The following HECA variants were observed in gnomAD, a reference collection of about 807,000 sequenced individuals.
HECA encodes HECA ribonucleoprotein granule regulator, also known as headcase protein homolog.
HECA carries 13 observed loss-of-function variants against 37.6 expected under a neutral mutation model. That is an observed-to-expected ratio of 0.35 (90% confidence interval 0.23 to 0.55). HECA has a LOEUF of 0.55. Among genes scored for constraint, HECA ranks in the 20% least tolerant of loss-of-function variants. The pLI is 0.90. For missense variants in HECA, 527 were observed against 701.9 expected (o/e 0.75, Z 2.82); for synonymous variants, 307 against 291.5 (o/e 1.05, Z -0.54).
At chr6:139,175,150 A>G (rs1011358781) in intron 3 of HECA, among the ~76,000 whole-genome samples, 18 of 152,342 alleles carry the variant, frequency 1.2e-4, no homozygotes, top group Non-Finnish European at 2.2e-4. Context: ...TCAGAAAAAG[A>G]GGGAAGTATT....
chr6:139,165,254 A>G (rs1774866845), intron 1 of HECA, among the ~76,000 whole-genome samples: 1 of 152,224 alleles, frequency 6.6e-6, no homozygotes, highest in East Asian at 1.9e-4. Flanking sequence ...CTCATTTTAA[A>G]AAAACAGATT....
intron 1 of HECA, among the ~76,000 whole-genome samples, chr6:139,142,871 C>A (rs942421193): frequency 6.6e-6 from 1 of 152,118 alleles, no homozygotes; most frequent in Non-Finnish European, 1.5e-5. Flanking sequence ...TCACTTGAAC[C>A]CAGGAGGCGG....
chr6:139,164,967 T>G (rs571114430), intron 1 of HECA, among the ~76,000 whole-genome samples: 88 of 152,306 alleles, frequency 5.8e-4, no homozygotes, highest in Non-Finnish European at 1.0e-3. Flanking sequence ...TTACACAGCT[T>G]CTTTTGTAAA....
chr6:139,145,925 C>G (rs1181242330), intron 1 of HECA, among the ~76,000 whole-genome samples: 1 of 151,996 alleles, frequency 6.6e-6, no homozygotes, highest in Non-Finnish European at 1.5e-5. Flanking sequence ...TAATTGAATT[C>G]TTTTTGAGAG....
At chr6:139,149,484 TG>T (rs1774626103) in intron 1 of HECA, among the ~76,000 whole-genome samples, 1 of 152,178 alleles carries the variant, frequency 6.6e-6, no homozygotes, top group African/African-American at 2.4e-5. Flanking sequence ...GTTCTCTGTT[TG>T]TAATGTGGTG....
intron 1 of HECA, among the ~76,000 whole-genome samples, chr6:139,163,180 G>C (rs1774831348): frequency 1.3e-5 from 2 of 152,294 alleles, no homozygotes; most frequent in South Asian, 4.1e-4. Flanking sequence ...GCAGTGCCTG[G>C]AGACATTGAG....
intron 2 of HECA, chr6:139,170,458 T>C (rs1774956562): frequency 6.6e-6 from 1 of 152,196 alleles, no homozygotes; most frequent in Non-Finnish European, 1.5e-5. Flanking sequence ...CACTTTGGCT[T>C]GGTTCGTAAA....
chr6:139,164,759 T>C (rs1428776550), intron 1 of HECA, among the ~76,000 whole-genome samples: 1 of 151,924 alleles, frequency 6.6e-6, no homozygotes, highest in African/African-American at 2.4e-5. Context: ...ACCCTTGTCA[T>C]CCCAGCCTGT....
In HECA at chr6:139,135,193, C is replaced by A; in HGVS notation, c.-204C>A. ...CGCGGCTGCGAGCCTCGGGTGGCCG[C>A]GTGCCGGCTCCAGGAAGCCGGAGAG... On this transcript the variant is annotated 5_prime_UTR_variant, in exon 1 of 4. Transcript: ENST00000367658. The A allele has an allele frequency of 3.7e-6, 1 of 271,312 alleles. No individual in the cohort carries two copies. The highest frequency in any genetic ancestry group is 6.1e-6 in the Non-Finnish European group (1 of 163,626). 16.8% of individuals were successfully genotyped at this position (271,312 alleles called of 1,614,324 possible).
At chr6:139,144,347 T>TC (rs1400587572) in intron 1 of HECA, 3 of 152,270 alleles carry the variant, frequency 2.0e-5, no homozygotes, top group African/African-American at 7.2e-5. Flanking sequence ...GGAGCCATGA[T>TC]AATGTACTGT....
In HECA at chr6:139,179,038, A is replaced by ATGCATAAAAT. The variant is rs1554219051; in HGVS notation, c.*1934_*1943dup. On this transcript the variant is annotated 3_prime_UTR_variant, in exon 4 of 4. Transcript: ENST00000367658. ...TGAAAAAACATTTCAGTGGGAAGAA[A>ATGCATAAAAT]TGCATAAAATGCCTATAAGAAGTAG... The ATGCATAAAAT allele has an allele frequency of 1.4e-4, 22 of 152,210 alleles. No homozygotes were observed. 9.4% of individuals were successfully genotyped at this position (152,210 alleles called of 1,614,324 possible).
chr6:139,136,641 G>T (rs371862100), intron 1 of HECA, among the ~76,000 whole-genome samples: 51 of 142,508 alleles, frequency 3.6e-4, no homozygotes, highest in African/African-American at 3.3e-4. Flanking sequence ...TTTTTGTTTT[G>T]TTTTTTTTTT....
At chr6:139,137,570 G>C (rs1774464183) in intron 1 of HECA, among the ~76,000 whole-genome samples, 1 of 151,584 alleles carries the variant, frequency 6.6e-6, no homozygotes, top group African/African-American at 2.4e-5. Context: ...GGTCCTCAGG[G>C]AGCTTGCATT....
In HECA at chr6:139,135,361, T is replaced by C; in HGVS notation, c.-36T>C. The C allele has an allele frequency of 7.7e-7, 1 of 1,302,882 alleles. No individual in the cohort carries two copies. The highest frequency in any genetic ancestry group is 1.0e-6 in the Non-Finnish European group (1 of 999,074). 80.7% of individuals were successfully genotyped at this position (1,302,882 alleles called of 1,614,324 possible). A position where few individuals can be genotyped will look rare whatever the true frequency, so the allele number is the denominator to read the frequency against. ...CCGTGCCTCTGGGATCCGCCTTCGC[T>C]GACGCCGGGCACCTACCTGGACGCG... On this transcript the variant is annotated 5_prime_UTR_variant, in exon 1 of 4. Transcript: ENST00000367658.
At chr6:139,158,319 A>C (rs1774745826) in intron 1 of HECA, among the ~76,000 whole-genome samples, 1 of 152,014 alleles carries the variant, frequency 6.6e-6, no homozygotes, top group Non-Finnish European at 1.5e-5. Flanking sequence ...TGGAAAACAC[A>C]GTGAAACTCC....
chr6:139,151,353 C>T (rs934079711), intron 1 of HECA: 1 of 152,160 alleles, frequency 6.6e-6, no homozygotes. Context: ...TTAGCTACAT[C>T]GTGCTGAGAT....
chr6:139,164,380 T>C (rs992904173), intron 1 of HECA, among the ~76,000 whole-genome samples: 7 of 151,360 alleles, frequency 4.6e-5, no homozygotes, highest in African/African-American at 1.5e-4. Flanking sequence ...GGGGGTATCA[T>C]GATGGGGAAG....
rs72980695 is a variant in HECA at position 139,176,618 on chromosome 6, G to A, written c.1468-323G>A. Among the ~76,000 whole-genome samples, 376 of 152,272 alleles carry A rather than the reference G, an allele frequency of 2.5e-3. No homozygotes were observed. Among genetic ancestry groups the A allele is most frequent in the Middle Eastern group, 6.8e-3 (2 of 294 alleles). On this transcript the variant is annotated intron_variant, in intron 3 of 3. Transcript: ENST00000367658. This position sits in a 1 kb window ranked among gnomAD's most constrained non-coding sequence, Gnocchi z 4.5. ...GAAATTTCAAAGAAGTTTCGTGGAG[G>A]TTTGGGTGAGGGAAGTCAGCTTCAG...
At position 139,145,840 on chromosome 6, in the gene HECA, G is replaced by C. The variant is rs1774578341; in HGVS notation, c.271+10173G>C. Among the ~76,000 whole-genome samples the C allele has an allele frequency of 2.0e-5, 3 of 152,214 alleles. No homozygotes were observed. In the South Asian group the frequency reaches 6.2e-4, roughly 32 times the overall value. On this transcript the variant is annotated intron_variant, in intron 1 of 3. Coordinates refer to ENST00000367658, the MANE Select transcript of HECA (RefSeq NM_016217.3). ...GATAGTTTGGTGGTAATATCAGCTT[G>C]GTGTGGTGTGAAGACTTTTCATCTC...
Sources: allele counts gnomAD v4.1 joint callset (sites outside exome capture counted in the v4.1 genomes callset), GRCh38; gene constraint gnomAD v4.1.1; non-coding constraint Gnocchi (gnomAD v3.1); transcripts MANE v1.5; gene names NCBI Gene and HGNC (gene_info 2026-07-23, HGNC 2026-07-21).